The following NRG3 variants were observed in gnomAD, a reference collection of about 807,000 sequenced individuals.
The protein encoded by NRG3 is pro-neuregulin-3, membrane-bound isoform.
In NRG3, 31 loss-of-function variants were observed where a neutral mutation model predicts 66.9. The ratio of observed to expected loss-of-function variants is 0.46; its 90% CI spans 0.35 to 0.63. The LOEUF (loss-of-function observed/expected upper bound fraction) is 0.63. Ranked by LOEUF, NRG3 falls within the 20% of genes least tolerant of loss-of-function variation. The probability of loss-of-function intolerance (pLI) is 0.00; values close to 1 mark genes in which losing one functional copy is unlikely to be tolerated. For missense variants in NRG3, 910 were observed against 878.9 expected (o/e 1.04, Z -0.45); for synonymous variants, 393 against 359.4 (o/e 1.09, Z -1.06).
At chr10:82,222,116 T>C (rs1458603046) in intron 1 of NRG3, among the ~76,000 whole-genome samples, 1 of 152,064 alleles carries the variant, frequency 6.6e-6, no homozygotes, top group Non-Finnish European at 1.5e-5. Context: ...ACATAAATCA[T>C]GTCATGTTAT....
At chr10:82,088,155 A>G (rs2065832392) in intron 1 of NRG3, among the ~76,000 whole-genome samples, 1 of 152,118 alleles carries the variant, frequency 6.6e-6, no homozygotes, top group East Asian at 1.9e-4. Flanking sequence ...CTCAAGTTAT[A>G]TGGGTCAATT....
intron 2 of NRG3, among the ~76,000 whole-genome samples, chr10:82,528,796 T>G (rs1347790410): frequency 6.6e-6 from 1 of 152,188 alleles, no homozygotes; most frequent in East Asian, 1.9e-4. Flanking sequence ...GTATTGCCAG[T>G]TGCAGAAAAA....
chr10:82,985,973 G>A lies in NRG3; in HGVS notation c.*368G>A, dbSNP rs974353239. On this transcript the variant is annotated 3_prime_UTR_variant, in exon 9 of 9. Coordinates refer to ENST00000372141, the MANE Select transcript of NRG3 (RefSeq NM_001010848.4). The stretch of plus-strand genomic sequence containing the variant: ...TTCAAAAAGAGGAGAGCTGCATCCC[G>A]CAGGTGGATGCACCAGTGAGCAGGT... 2.7e-5 allele frequency: 5 copies of A among 182,404 alleles called. No individual in the cohort carries two copies. Among genetic ancestry groups the A allele is most frequent in the East Asian group, 1.6e-4 (1 of 6,438 alleles). 11.3% of individuals were successfully genotyped at this position (182,404 alleles called of 1,614,324 possible).
At position 82,371,646 on chromosome 10, in the gene NRG3, G is replaced by A. The variant is rs562070737; in HGVS notation, c.953+12778G>A. Among the ~76,000 whole-genome samples, 5 of 152,232 alleles carry A rather than the reference G, an allele frequency of 3.3e-5. No homozygotes were observed. In the South Asian group the frequency reaches 1.0e-3, roughly 32 times the overall value. On this transcript the variant is annotated intron_variant, in intron 2 of 8. Coordinates refer to ENST00000372141, the MANE Select transcript of NRG3 (RefSeq NM_001010848.4). ...GCTGTAAAGGAATACCTGAGGCTGG[G>A]TAATTTATAAAGAAAAAAAAGGTTT... is the stretch of plus-strand genomic sequence containing the variant.
intron 2 of NRG3, among the ~76,000 whole-genome samples, chr10:82,425,013 A>G (rs1353074672): frequency 6.6e-6 from 1 of 152,110 alleles, no homozygotes; most frequent in Non-Finnish European, 1.5e-5. Context: ...TTGAAATACA[A>G]ATTCCATAGG....
chr10:82,283,178 G>T (rs1213669925), intron 1 of NRG3, among the ~76,000 whole-genome samples: 1 of 151,976 alleles, frequency 6.6e-6, no homozygotes, highest in Non-Finnish European at 1.5e-5. Flanking sequence ...GATCCCAGGG[G>T]TGAAGATTGG....
At chr10:82,678,753 G>T (rs1373562774) in intron 2 of NRG3, among the ~76,000 whole-genome samples, 3 of 151,308 alleles carry the variant, frequency 2.0e-5, no homozygotes, top group African/African-American at 7.3e-5. Context: ...CATTACCAGA[G>T]TTTTTTTTTG....
At chr10:82,634,933 T>C (rs1180605893) in intron 2 of NRG3, among the ~76,000 whole-genome samples, 47 of 152,176 alleles carry the variant, frequency 3.1e-4, no homozygotes, top group Non-Finnish European at 4.4e-5. Flanking sequence ...AGGAAGACAG[T>C]TGTGACCAGG....
intron 1 of NRG3, among the ~76,000 whole-genome samples, chr10:82,192,594 A>G (rs2074214212): frequency 6.6e-6 from 1 of 152,118 alleles, no homozygotes; most frequent in Non-Finnish European, 1.5e-5. Context: ...GAGGCACATG[A>G]CTTTGCCATC....
chr10:82,140,518 G>T (rs1564602468), intron 1 of NRG3, among the ~76,000 whole-genome samples: 1 of 152,124 alleles, frequency 6.6e-6, no homozygotes, highest in South Asian at 2.1e-4. Context: ...TATTAAATGA[G>T]TTTCCAAAAA....
intron 2 of NRG3, among the ~76,000 whole-genome samples, chr10:82,392,220 G>A (rs2086422748): frequency 1.3e-5 from 2 of 152,060 alleles, no homozygotes; most frequent in South Asian, 2.1e-4. Flanking sequence ...TAGTGCTCCC[G>A]TCATTTCTAT....
At chr10:82,423,273 A>C (rs1221474202) in intron 2 of NRG3, among the ~76,000 whole-genome samples, 2 of 152,004 alleles carry the variant, frequency 1.3e-5, no homozygotes, top group Admixed American at 1.3e-4. Context: ...TCCATCAAAC[A>C]GATAATCTGT....
chr10:82,838,008 C>T (rs2062865390), intron 3 of NRG3, among the ~76,000 whole-genome samples: 1 of 152,068 alleles, frequency 6.6e-6, no homozygotes, highest in Admixed American at 6.6e-5. Flanking sequence ...TGTTATCATC[C>T]AGGAGGAGCA....
At chr10:82,145,939 A>T (rs2070220107) in intron 1 of NRG3, among the ~76,000 whole-genome samples, 1 of 152,138 alleles carries the variant, frequency 6.6e-6, no homozygotes, top group Non-Finnish European at 1.5e-5. Context: ...AAGGTCAGTG[A>T]ACCATACAGA....
chr10:82,703,015 C>T (rs1377023459), intron 2 of NRG3, among the ~76,000 whole-genome samples: 2 of 151,316 alleles, frequency 1.3e-5, no homozygotes, highest in East Asian at 3.9e-4. Flanking sequence ...TCCTTCCTTT[C>T]TTCTCCTTCC....
intron 5 of NRG3, among the ~76,000 whole-genome samples, chr10:82,958,137 G>A (rs1459530814): frequency 6.6e-6 from 1 of 152,144 alleles, no homozygotes; most frequent in Admixed American, 6.5e-5. Context: ...AGAAGCGGTG[G>A]GACCATGAGC....
At chr10:82,764,602 A>G (rs1489868496) in intron 3 of NRG3, among the ~76,000 whole-genome samples, 1 of 151,756 alleles carries the variant, frequency 6.6e-6, no homozygotes, top group Non-Finnish European at 1.5e-5. Flanking sequence ...ACCTCAGGTG[A>G]TCCGCCCACC....
chr10:82,103,437 G>A (rs528941648), intron 1 of NRG3, among the ~76,000 whole-genome samples: 8 of 152,286 alleles, frequency 5.3e-5, no homozygotes, highest in Non-Finnish European at 1.0e-4. Context: ...TTTGGACTGT[G>A]AGTGTTGTCT....
At chr10:82,935,195 A>G (rs1847937887) in intron 4 of NRG3, among the ~76,000 whole-genome samples, 1 of 152,238 alleles carries the variant, frequency 6.6e-6, no homozygotes, top group Non-Finnish European at 1.5e-5. Flanking sequence ...TACAAGGTCA[A>G]GATTGGGAGA....
Sources: gnomAD v4.1 joint callset for allele counts (sites outside exome capture counted in the v4.1 genomes callset) on GRCh38, gnomAD v4.1.1 for gene constraint, MANE v1.5 for transcripts, NCBI Gene and HGNC (gene_info 2026-07-23, HGNC 2026-07-21) for gene names.